DTNA: variants seen among roughly 807,000 people sequenced by gnomAD.
The protein encoded by DTNA is dystrobrevin alpha.
A neutral mutation model predicts 100.7 loss-of-function variants in DTNA; 43 were observed. The ratio of observed to expected loss-of-function variants is 0.43; its 90% CI spans 0.33 to 0.55. DTNA has a LOEUF of 0.55. Among genes scored for constraint, DTNA ranks in the 20% least tolerant of loss-of-function variants. The pLI, the probability that DTNA is intolerant of heterozygous loss-of-function variation, is 0.04. For missense variants in DTNA, 798 were observed against 953.9 expected (o/e 0.84, Z 2.15); for synonymous variants, 349 against 347.9 (o/e 1.00, Z -0.04).
intron 4 of DTNA, 95 bp downstream of exon 4, chr18:34,794,345 C>CT (rs903649483): frequency 0.019 from 19,289 of 1,038,806 alleles, no homozygotes; most frequent in Non-Finnish European, 0.022. Flanking sequence ...ATATCTCTCT[C>CT]TTTTTTTTTT....
intron 17 of DTNA, among the ~76,000 whole-genome samples, chr18:34,869,044 A>G (rs1002425202): frequency 6.6e-6 from 1 of 152,220 alleles, no homozygotes; most frequent in Admixed American, 6.5e-5. Context: ...TAGTTTTCTT[A>G]GCAAAGTTAC....
intron 15 of DTNA, among the ~76,000 whole-genome samples, chr18:34,852,446 A>G (rs187441146): frequency 9.8e-5 from 15 of 152,302 alleles, no homozygotes; most frequent in Non-Finnish European, 2.1e-4. Context: ...ATTGACTCAC[A>G]GTCTACCTCC....
intron 4 of DTNA, among the ~76,000 whole-genome samples, chr18:34,794,964 TTA>T (rs2094907551): frequency 2.6e-5 from 4 of 152,230 alleles, no homozygotes; most frequent in African/African-American, 9.7e-5. Flanking sequence ...GAGTGGGGAC[TTA>T]GGTGTTCAAC....
At chr18:34,513,625 A>T (rs549540357) in intron 1 of DTNA, 55 of 152,248 alleles carry the variant, frequency 3.6e-4, no homozygotes, top group African/African-American at 1.3e-3. Flanking sequence ...CAGTTGGATC[A>T]CACTGAGCAG....
At chr18:34,626,739 G>C (rs1599253236) in intron 1 of DTNA, among the ~76,000 whole-genome samples, 1 of 152,336 alleles carries the variant, frequency 6.6e-6, no homozygotes, top group East Asian at 1.9e-4. Flanking sequence ...TAAGGCTTTA[G>C]GGTCTGCTCC....
chr18:34,762,248 T>C (rs2093223117), intron 2 of DTNA, among the ~76,000 whole-genome samples: 1 of 152,160 alleles, frequency 6.6e-6, no homozygotes. Context: ...TGATAAAAAT[T>C]AACCTTAATT....
chr18:34,500,350 C>T (rs2039760089), intron 1 of DTNA, among the ~76,000 whole-genome samples: 1 of 149,896 alleles, frequency 6.7e-6, no homozygotes, highest in Admixed American at 6.7e-5. Context: ...GTATTCAGTG[C>T]AAATATATTG....
intron 1 of DTNA, among the ~76,000 whole-genome samples, chr18:34,503,554 G>T (rs560296372): frequency 6.6e-6 from 1 of 152,076 alleles, no homozygotes; most frequent in Admixed American, 6.6e-5. Flanking sequence ...AAAGCGCTGG[G>T]ATTATAGGCG....
At chr18:34,885,992 A>G (rs956055761) in intron 22 of DTNA, among the ~76,000 whole-genome samples, 1 of 152,238 alleles carries the variant, frequency 6.6e-6, no homozygotes, top group African/African-American at 2.4e-5. Context: ...CCTCCATGGT[A>G]GTTCAAAGCT....
chr18:34,818,686 CG>C (rs2095645987), intron 8 of DTNA: 2 of 1,088,866 alleles, frequency 1.8e-6, no homozygotes, highest in South Asian at 5.1e-5. Context: ...TTTGTGGAAA[CG>C]GCTTAAAAAT....
chr18:34,533,303 C>T (rs1293336486), intron 1 of DTNA, among the ~76,000 whole-genome samples: 1 of 148,986 alleles, frequency 6.7e-6, no homozygotes, highest in Middle Eastern at 3.4e-3. Context: ...ACCCGGGAGG[C>T]GAGGTTACAG....
At chr18:34,813,733 G>T (rs1045850500) in intron 6 of DTNA, among the ~76,000 whole-genome samples, 1 of 150,852 alleles carries the variant, frequency 6.6e-6, no homozygotes, top group Non-Finnish European at 1.5e-5. Context: ...GGCACCTGTA[G>T]TCCCAGCTAG....
intron 3 of DTNA, among the ~76,000 whole-genome samples, chr18:34,766,414 C>T (rs1448894060): frequency 6.6e-6 from 1 of 152,054 alleles, no homozygotes; most frequent in African/African-American, 2.4e-5. Flanking sequence ...TCATTCTCAG[C>T]AAACTATCGC....
At chr18:34,653,392 A>G (rs11659908) in intron 1 of DTNA, among the ~76,000 whole-genome samples, 3,939 of 152,234 alleles carry the variant, frequency 0.026, 99 homozygotes, top group Non-Finnish European at 0.033. Context: ...TCTGTGATTC[A>G]TAGTGACTAC....
At chr18:34,741,534 A>G (rs2090644348) in intron 1 of DTNA, among the ~76,000 whole-genome samples, 1 of 152,170 alleles carries the variant, frequency 6.6e-6, no homozygotes, top group African/African-American at 2.4e-5. Flanking sequence ...CGAGATTCAA[A>G]AGCTTATGTC....
intron 1 of DTNA, among the ~76,000 whole-genome samples, chr18:34,635,773 G>A (rs1451651505): frequency 6.6e-6 from 1 of 152,052 alleles, no homozygotes; most frequent in Non-Finnish European, 1.5e-5. Context: ...TAGGTACTGG[G>A]AAGCTGTCAT....
intron 13 of DTNA, among the ~76,000 whole-genome samples, chr18:34,847,940 T>C (rs2096409467): frequency 6.6e-6 from 1 of 152,202 alleles, no homozygotes; most frequent in African/African-American, 2.4e-5. Flanking sequence ...TTTTCTAACA[T>C]GTCAATTTTG....
At chr18:34,547,996 A>T (rs113105498) in intron 1 of DTNA, among the ~76,000 whole-genome samples, 1 of 152,178 alleles carries the variant, frequency 6.6e-6, no homozygotes, top group Non-Finnish European at 1.5e-5. Context: ...TTAATGGAAG[A>T]TTAAAAGATT....
At chr18:34,819,407 C>T (rs1460886959) in intron 8 of DTNA, among the ~76,000 whole-genome samples, 1 of 152,158 alleles carries the variant, frequency 6.6e-6, no homozygotes, top group Admixed American at 6.5e-5. Flanking sequence ...CAATGCAACT[C>T]CTCACTGTTG....
Sources: gnomAD v4.1 joint callset for allele counts (sites outside exome capture counted in the v4.1 genomes callset) on GRCh38, gnomAD v4.1.1 for gene constraint, MANE v1.5 for transcripts, NCBI Gene and HGNC (gene_info 2026-07-23, HGNC 2026-07-21) for gene names.